The following PCDHGB4 variants were observed in gnomAD, a reference collection of about 807,000 sequenced individuals.
PCDHGB4 encodes protocadherin gamma subfamily B, 4, also known as protocadherin gamma-B4.
Under a neutral mutation model 60.5 loss-of-function variants are expected in PCDHGB4, and 38 were observed. The ratio of observed to expected loss-of-function variants is 0.63; its 90% CI spans 0.48 to 0.82. The LOEUF is 0.82. Ranked by LOEUF, PCDHGB4 falls within the 40% of genes least tolerant of loss-of-function variation. PCDHGB4 has a pLI of 0.00. For synonymous variants in PCDHGB4, 456 were observed against 509.7 expected (o/e 0.89, Z 1.42); for missense variants, 1,109 against 1,209.6 (o/e 0.92, Z 1.23).
intron 1 of PCDHGB4, chr5:141,393,608 A>G: frequency 6.2e-7 from 1 of 1,613,986 alleles, no homozygotes; most frequent in Non-Finnish European, 8.5e-7. Context: ...TTACTGTAAC[A>G]GCCAGCGACC....
In PCDHGB4 at chr5:141,489,117, T is replaced by A; in HGVS notation, c.2398-5690T>A. On this transcript the variant is annotated intron_variant, in intron 1 of 3. Coordinates refer to ENST00000519479, the MANE Select transcript of PCDHGB4 (RefSeq NM_003736.4). The surrounding 1 kb of genome is among the most constrained non-coding windows in gnomAD (Gnocchi z 4.5). ...AAGAACTGCTGCAAGCAGGCAAACCTCCGAGCAGTTTTTAAGAGGCTGGAA... is the reference window on the plus strand; with the variant it reads ...AAGAACTGCTGCAAGCAGGCAAACCACCGAGCAGTTTTTAAGAGGCTGGAA... The A allele has an allele frequency of 1.4e-5, 5 of 370,102 alleles. No homozygotes were observed. The highest frequency in any genetic ancestry group is 2.3e-5 in the Non-Finnish European group (5 of 214,436). 22.9% of individuals were successfully genotyped at this position (370,102 alleles called of 1,614,324 possible).
chr5:141,454,917 C>T (rs1185153715), intron 1 of PCDHGB4, among the ~76,000 whole-genome samples: 1 of 149,330 alleles, frequency 6.7e-6, no homozygotes, highest in Non-Finnish European at 1.5e-5. Flanking sequence ...ACGCCATTCT[C>T]CTGCCTCAGC....
rs1053132512 is a variant in PCDHGB4 at position 141,409,714 on chromosome 5, C to A, written c.2397+19433C>A. The A allele has an allele frequency of 3.7e-6, 6 of 1,613,108 alleles. No individual in the cohort carries two copies. The African/African-American group carries it at 8.0e-5, about 22-fold the overall frequency. On this transcript the variant is annotated intron_variant, in intron 1 of 3. Transcript: ENST00000519479. ...TAGAGCCCCTGGCGGTGTCGTCATACGTGTCAGTGAGCGCGCAGAGCGGGG... is the reference window on the plus strand; with the variant it reads ...TAGAGCCCCTGGCGGTGTCGTCATAAGTGTCAGTGAGCGCGCAGAGCGGGG...
At chr5:141,420,462 G>T in intron 1 of PCDHGB4, 2 of 892,618 alleles carry the variant, frequency 2.2e-6, no homozygotes. Context: ...ACTATTCAAA[G>T]ACATTTTAAA....
chr5:141,501,971 G>A (rs2099812098), intron 2 of PCDHGB4, among the ~76,000 whole-genome samples: 1 of 151,956 alleles, frequency 6.6e-6, no homozygotes. Context: ...CCTAACCTCT[G>A]GCATCTGGTC....
intron 1 of PCDHGB4, among the ~76,000 whole-genome samples, chr5:141,439,595 G>A (rs752771969): frequency 3.9e-5 from 6 of 152,192 alleles, no homozygotes; most frequent in Non-Finnish European, 5.9e-5. Flanking sequence ...CTGTTGGCCA[G>A]TCTGGAAACA....
chr5:141,484,230 G>A (rs1325484143), intron 1 of PCDHGB4, among the ~76,000 whole-genome samples: 2 of 152,174 alleles, frequency 1.3e-5, no homozygotes, highest in Non-Finnish European at 2.9e-5. Flanking sequence ...CAGGTAAAGA[G>A]ATCTGGTCCT....
chr5:141,427,224 A>G (rs1269896138), intron 1 of PCDHGB4: 1 of 456,768 alleles, frequency 2.2e-6, no homozygotes, highest in East Asian at 6.9e-5. Context: ...TAGCAGTTAT[A>G]CCATGAGAGT....
At chr5:141,403,146 G>T (rs1400601984) in intron 1 of PCDHGB4, 2 of 1,614,056 alleles carry the variant, frequency 1.2e-6, no homozygotes, top group Middle Eastern at 1.6e-4. Context: ...CGCCGAGTCC[G>T]CATCGTCTCT....
chr5:141,460,467 AG>A (rs1303418429), intron 1 of PCDHGB4, among the ~76,000 whole-genome samples: 1 of 152,114 alleles, frequency 6.6e-6, no homozygotes, highest in African/African-American at 2.4e-5. Flanking sequence ...TTTTTTCCAA[AG>A]GAATATCCAA....
Position 141,390,104 on chromosome 5 carries a change from C to T in PCDHGB4, c.2220C>T (p.Asn740=). The T allele has an allele frequency of 6.2e-7, 1 of 1,614,070 alleles. No individual in the cohort carries two copies. Among genetic ancestry groups the T allele is most frequent in the East Asian group, 2.2e-5 (1 of 44,882 alleles). The change falls in exon 1 of 4, where the codon AAC becomes AAT. Residue 740 remains asparagine (N), a synonymous_variant. Coordinates refer to ENST00000519479, the MANE Select transcript of PCDHGB4 (RefSeq NM_003736.4). ...AATCCGAATCCGTGGTTCCCCCCAA[C>T]TACAGCGAGGGGACTTTGCCTTATT... The part of the protein sequence containing the change: ...CVKSESVVPP[N]YSEGTLPYSY...
At chr5:141,501,288 TATACAC>T (rs201660636) in intron 2 of PCDHGB4, among the ~76,000 whole-genome samples, 3 of 81,324 alleles carry the variant, frequency 3.7e-5, no homozygotes, top group African/African-American at 1.5e-4. Flanking sequence ...GATATTCCCT[TATACAC>T]ACACACACAC....
rs1354607645 is a variant in PCDHGB4, at chr5:141,433,848, A to C, written c.2397+43567A>C. Among the ~76,000 whole-genome samples, 4 of 152,082 alleles carry C rather than the reference A, an allele frequency of 2.6e-5. No individual in the cohort carries two copies. In the East Asian group the frequency reaches 5.8e-4, roughly 22 times the overall value. ...GTGAAACTCTATCTCAAAAAAAAAA[A>C]AAAAAAACTTTATCCTCTAGTTTCA... On this transcript the variant is annotated intron_variant, in intron 1 of 3. Coordinates refer to ENST00000519479, the MANE Select transcript of PCDHGB4 (RefSeq NM_003736.4).
chr5:141,489,776 C>T lies in PCDHGB4; in HGVS notation c.2398-5031C>T. The T allele has an allele frequency of 6.2e-7, 1 of 1,614,202 alleles. No homozygotes were observed. Among genetic ancestry groups the T allele is most frequent in the Non-Finnish European group, 8.5e-7 (1 of 1,180,020 alleles). On this transcript the variant is annotated intron_variant, in intron 1 of 3. Transcript: ENST00000519479. This position sits in a 1 kb window ranked among gnomAD's most constrained non-coding sequence, Gnocchi z 4.5. ...ACTCTAAGCCCCAACAGCCACTTCT[C>T]TCTGAATGTGAAGACCCTAAAAGAT...
In PCDHGB4 at chr5:141,389,283, GC is replaced by G. The variant is rs775524674; in HGVS notation, c.1401del (p.Ser468LeufsTer38). The G allele has an allele frequency of 6.2e-7, 1 of 1,614,022 alleles. No individual in the cohort carries two copies. Among genetic ancestry groups the G allele is most frequent in the South Asian group, 1.1e-5 (1 of 91,090 alleles). Reference sequence around the variant, plus strand: ...CGTGGCCGAGAACAACCCGCCTGGAGCCTCTATTTCACAAGTCAGGGCTTCT... The same window carrying G: ...CGTGGCCGAGAACAACCCGCCTGGAGCTCTATTTCACAAGTCAGGGCTTCT... ...VHVAENNPPG[A>X]SISQVRASDP... is the part of the protein sequence containing the mutation. On this transcript the variant is annotated frameshift_variant, in exon 1 of 4. Transcript: ENST00000519479. LOFTEE classifies it high-confidence loss of function.
At chr5:141,488,797 T>G (rs1451050520) in intron 1 of PCDHGB4, among the ~76,000 whole-genome samples, 6 of 152,158 alleles carry the variant, frequency 3.9e-5, no homozygotes, top group Non-Finnish European at 8.8e-5. Context: ...TCTTCCCTGT[T>G]GAGTACCATC....
chr5:141,422,409 A>G, intron 1 of PCDHGB4: 1 of 1,601,728 alleles, frequency 6.2e-7, no homozygotes. Flanking sequence ...TGCCTTTTAA[A>G]TTAGAAAAGA....
Position 141,389,720 on chromosome 5 carries a change from C to T in PCDHGB4, c.1836C>T (p.Pro612=), listed in dbSNP as rs1488646083. The change falls in exon 1 of 4, where the codon CCC becomes CCT. Residue 612 remains proline, a synonymous_variant. Transcript: ENST00000519479. ...ACCACGTGCTGCAGGCTAGCGAGCCCGGGCTCTTCAGCCTGGGGCTGCGCA... is the reference window on the plus strand; with the variant it reads ...ACCACGTGCTGCAGGCTAGCGAGCCTGGGCTCTTCAGCCTGGGGCTGCGCA... ...LSYHVLQASE[P]GLFSLGLRTG... 1.2e-6 allele frequency: 2 copies of T among 1,612,576 alleles called. No homozygotes were observed. Among genetic ancestry groups the T allele is most frequent in the East Asian group, 4.5e-5 (2 of 44,876 alleles).
chr5:141,436,594 G>A (rs79477223), intron 1 of PCDHGB4, among the ~76,000 whole-genome samples: 2 of 152,106 alleles, frequency 1.3e-5, no homozygotes, highest in African/African-American at 2.4e-5. Flanking sequence ...AAAGGTCGTG[G>A]TGATGGCTAG....
Sources: allele counts gnomAD v4.1 joint callset (sites outside exome capture counted in the v4.1 genomes callset), GRCh38; gene constraint gnomAD v4.1.1; non-coding constraint Gnocchi (gnomAD v3.1); transcripts MANE v1.5; gene names NCBI Gene and HGNC (gene_info 2026-07-23, HGNC 2026-07-21).